Variants in DPP6 observed in about 807,000 individuals in gnomAD.
DPP6 encodes dipeptidyl peptidase like 6, also known as A-type potassium channel modulatory protein DPP6.
A neutral mutation model predicts 122.6 loss-of-function variants in DPP6; 69 were observed. That is an observed-to-expected ratio of 0.56 (90% CI 0.46 to 0.69). The LOEUF (loss-of-function observed/expected upper bound fraction) is 0.69. Among genes scored for constraint, DPP6 ranks in the 30% least tolerant of loss-of-function variants. The pLI is 0.00. For missense variants in DPP6, 928 were observed against 1,116.9 expected (o/e 0.83, Z 2.41); for synonymous variants, 418 against 433.1 (o/e 0.97, Z 0.43).
chr7:154,682,377 C>G (rs1342518236), intron 7 of DPP6, among the ~76,000 whole-genome samples: 1 of 152,246 alleles, frequency 6.6e-6, no homozygotes, highest in Non-Finnish European at 1.5e-5. Context: ...GATGAAAGCG[C>G]CTCACTTCTT....
At chr7:153,901,739 A>G (rs1799647076) in intron 1 of DPP6, among the ~76,000 whole-genome samples, 1 of 152,254 alleles carries the variant, frequency 6.6e-6, no homozygotes. Flanking sequence ...AAGCAGAAAT[A>G]TGAAGAATGA....
At chr7:154,505,424 T>C (rs1481040894) in intron 3 of DPP6, among the ~76,000 whole-genome samples, 1 of 152,194 alleles carries the variant, frequency 6.6e-6, no homozygotes, top group Non-Finnish European at 1.5e-5. Flanking sequence ...TTATGCTTAA[T>C]TCAGATTTTC....
chr7:153,975,253 AT>A (rs55644839), intron 1 of DPP6, among the ~76,000 whole-genome samples: 125,423 of 143,456 alleles, frequency 0.87, 54,115 homozygotes, highest in Non-Finnish European at 0.93. Context: ...AAAAAAAAAA[AT>A]TATTTCACTT....
intron 21 of DPP6, chr7:154,884,600 TAC>T (rs1366016894): frequency 2.7e-5 from 4 of 148,598 alleles, no homozygotes; most frequent in Admixed American, 6.7e-5. Flanking sequence ...TGCTCATACA[TAC>T]ACGATTACAT....
At chr7:154,034,723 C>T (rs1799431249) in intron 1 of DPP6, among the ~76,000 whole-genome samples, 1 of 151,776 alleles carries the variant, frequency 6.6e-6, no homozygotes, top group South Asian at 2.1e-4. Context: ...TATCTGGGCA[C>T]TGTGCAAGAC....
chr7:154,358,889 A>G (rs1811493505), intron 1 of DPP6, among the ~76,000 whole-genome samples: 1 of 152,126 alleles, frequency 6.6e-6, no homozygotes, highest in Non-Finnish European at 1.5e-5. Context: ...GGTTTTTAGT[A>G]GAGATGAGGT....
chr7:154,254,056 G>A (rs974436163), intron 1 of DPP6, among the ~76,000 whole-genome samples: 5 of 152,186 alleles, frequency 3.3e-5, no homozygotes, highest in Non-Finnish European at 5.9e-5. Context: ...ACCTCCCGCC[G>A]GGCCCCTCTT....
At chr7:153,846,728 T>C in the DPP6 span, among the ~76,000 whole-genome samples, 1 of 140,614 alleles carries the variant, frequency 7.1e-6, no homozygotes, top group African/African-American at 2.7e-5. Flanking sequence ...AGTCTCGCTC[T>C]GTTACCCAGG....
At chr7:154,549,307 T>C (rs1173118872) in intron 4 of DPP6, among the ~76,000 whole-genome samples, 1 of 152,200 alleles carries the variant, frequency 6.6e-6, no homozygotes, top group Non-Finnish European at 1.5e-5. Flanking sequence ...AGTTGTCCTT[T>C]ATCATTAAGA....
chr7:154,289,368 TGAA>T (rs1399303274), intron 1 of DPP6, among the ~76,000 whole-genome samples: 1 of 152,168 alleles, frequency 6.6e-6, no homozygotes, highest in Non-Finnish European at 1.5e-5. Context: ...GATCTAATTA[TGAA>T]GAGCCCTTCC....
chr7:153,765,551 A>AC, the DPP6 span, among the ~76,000 whole-genome samples: 10 of 149,318 alleles, frequency 6.7e-5, no homozygotes, highest in Admixed American at 2.0e-4. Context: ...TAAAAAAACA[A>AC]AAAAAAAAAA....
chr7:154,802,586 C>T (rs995985125), intron 13 of DPP6, among the ~76,000 whole-genome samples: 7 of 152,094 alleles, frequency 4.6e-5, no homozygotes, highest in Non-Finnish European at 5.9e-5. Context: ...TGGCCAGGTG[C>T]GGTGGCTCAC....
chr7:153,959,270 G>A (rs548675317), intron 1 of DPP6, among the ~76,000 whole-genome samples: 85 of 151,174 alleles, frequency 5.6e-4, no homozygotes, highest in African/African-American at 2.0e-3. Flanking sequence ...TAGCATGCTC[G>A]TTACTAATGG....
At chr7:154,017,192 C>T (rs1459170682) in intron 1 of DPP6, among the ~76,000 whole-genome samples, 8 of 152,244 alleles carry the variant, frequency 5.3e-5, no homozygotes, top group East Asian at 1.9e-4. Context: ...CTCAGCCTCC[C>T]GAGTAACTGG....
chr7:153,908,968 G>A (rs967356146), intron 1 of DPP6, among the ~76,000 whole-genome samples: 3 of 152,128 alleles, frequency 2.0e-5, no homozygotes, highest in African/African-American at 7.2e-5. Flanking sequence ...TGGCCAGGCC[G>A]GTCTCGAACT....
chr7:154,840,411 C>T (rs996383105), intron 16 of DPP6, among the ~76,000 whole-genome samples: 7 of 152,210 alleles, frequency 4.6e-5, no homozygotes, highest in Admixed American at 2.0e-4. Flanking sequence ...CCTTTCCAGT[C>T]TCCTCCTCAC....
At chr7:154,031,452 A>G (rs1280720628) in intron 1 of DPP6, among the ~76,000 whole-genome samples, 3 of 151,934 alleles carry the variant, frequency 2.0e-5, no homozygotes, top group African/African-American at 2.4e-5. Context: ...GCATGTCTGT[A>G]GGCAAAATAC....
the DPP6 span, among the ~76,000 whole-genome samples, chr7:153,767,269 A>G: frequency 6.6e-6 from 1 of 152,166 alleles, no homozygotes; most frequent in African/African-American, 2.4e-5. Flanking sequence ...TTAAGAGACA[A>G]ATTGTGTAAA....
In DPP6 at chr7:154,106,383, TG is replaced by T. The variant is rs1287481293; in HGVS notation, c.243+53322del. Among the ~76,000 whole-genome samples the T allele has an allele frequency of 3.4e-5, 4 of 117,376 alleles. No homozygotes were observed. In the Admixed American group the frequency reaches 3.9e-4, roughly 11 times the overall value. The allele number at this position is 117,376 out of a possible 152,430, so 77.0% of individuals were successfully genotyped here. On this transcript the variant is annotated intron_variant, in intron 1 of 25. Transcript: ENST00000377770. ...CTTGGTGCGTGTTTATAGAATGTGA[TG>T]GTAGACATGGAGTGTGGTGGGGTGA...
Sources: gnomAD v4.1 joint callset for allele counts (sites outside exome capture counted in the v4.1 genomes callset) on GRCh38, gnomAD v4.1.1 for gene constraint, MANE v1.5 for transcripts, NCBI Gene and HGNC (gene_info 2026-07-23, HGNC 2026-07-21) for gene names.